Variants in INSYN2A observed in about 807,000 individuals in gnomAD.
INSYN2A encodes the protein inhibitory synaptic factor 2A.
In INSYN2A, 17 loss-of-function variants were observed where a neutral mutation model predicts 39.4. The ratio of observed to expected loss-of-function variants is 0.43; its 90% CI spans 0.30 to 0.65. The LOEUF is 0.65. Ranked by LOEUF, INSYN2A falls within the 30% of genes least tolerant of loss-of-function variation. The pLI is 0.14. For synonymous variants in INSYN2A, 255 were observed against 265.7 expected, an observed-to-expected ratio of 0.96 and a Z score of 0.39; for missense variants, 595 against 631.2, an observed-to-expected ratio of 0.94 and a Z score of 0.61.
At chr10:127,161,658 A>G (rs1290929880) in intron 4 of INSYN2A, among the ~76,000 whole-genome samples, 2 of 151,972 alleles carry the variant, frequency 1.3e-5, no homozygotes, top group Non-Finnish European at 2.9e-5. Flanking sequence ...CCACCTTTTG[A>G]GAGTTCTGCT....
At chr10:127,154,366 G>A (rs924342773) in intron 4 of INSYN2A, among the ~76,000 whole-genome samples, 2 of 152,168 alleles carry the variant, frequency 1.3e-5, no homozygotes, top group African/African-American at 2.4e-5. Flanking sequence ...CCGGGGCCTG[G>A]TTTTGTCCAG....
At chr10:127,192,238 C>T (rs779182760) in intron 2 of INSYN2A, among the ~76,000 whole-genome samples, 2 of 152,110 alleles carry the variant, frequency 1.3e-5, no homozygotes, top group African/African-American at 4.8e-5. Flanking sequence ...ATAAACAGTT[C>T]AGTGCTCTAT....
intron 4 of INSYN2A, among the ~76,000 whole-genome samples, chr10:127,158,484 T>C (rs1458921845): frequency 6.6e-6 from 1 of 152,212 alleles, no homozygotes; most frequent in Non-Finnish European, 1.5e-5. Flanking sequence ...CCCTTTTGCT[T>C]TGAGGAGCCT....
rs1011307697 is a variant in INSYN2A, at chr10:127,196,530, G to A, written c.-928C>T. Among the ~76,000 whole-genome samples the A allele has an allele frequency of 2.0e-5, 3 of 147,504 alleles. No individual in the cohort carries two copies. The highest frequency in any genetic ancestry group is 4.5e-5 in the Non-Finnish European group (3 of 66,496). ...CGGAGCCGGGCGGCCAGAGGCGAGGGCGCCCCAAGCCGCGCGCCTGCCGCC... is the reference window on the plus strand; with the variant it reads ...CGGAGCCGGGCGGCCAGAGGCGAGGACGCCCCAAGCCGCGCGCCTGCCGCC... On this transcript the variant is annotated 5_prime_UTR_variant, in exon 1 of 6. Transcript: ENST00000522781.
At chr10:127,148,059 A>T (rs1285350347) in intron 5 of INSYN2A, among the ~76,000 whole-genome samples, 1 of 135,790 alleles carries the variant, frequency 7.4e-6, no homozygotes, top group Non-Finnish European at 1.6e-5. Context: ...AAAAAAAAAA[A>T]TTCCACCTGT....
At chr10:127,144,397 G>A (rs2051586676) in intron 5 of INSYN2A, among the ~76,000 whole-genome samples, 1 of 152,162 alleles carries the variant, frequency 6.6e-6, no homozygotes, top group African/African-American at 2.4e-5. Context: ...TGGGATCGTA[G>A]CTGTCTTCCC....
chr10:127,150,430 G>T (rs2052379395), intron 5 of INSYN2A, among the ~76,000 whole-genome samples: 1 of 152,180 alleles, frequency 6.6e-6, no homozygotes, highest in Non-Finnish European at 1.5e-5. Context: ...ACAGACCAGT[G>T]CTTGGTAGTC....
intron 1 of INSYN2A, among the ~76,000 whole-genome samples, chr10:127,194,705 G>T (rs1473463943): frequency 1.3e-5 from 2 of 152,086 alleles, no homozygotes; most frequent in Non-Finnish European, 2.9e-5. Context: ...TAACCCTCTA[G>T]CAAGTCCTCG....
chr10:127,173,840 T>C (rs1020941465), intron 4 of INSYN2A, among the ~76,000 whole-genome samples: 6 of 152,200 alleles, frequency 3.9e-5, no homozygotes, highest in African/African-American at 1.4e-4. Context: ...CTTTTGGAAA[T>C]GTTATATGGT....
At chr10:127,195,719 TC>T (rs1400755937) in intron 1 of INSYN2A, among the ~76,000 whole-genome samples, 1 of 152,132 alleles carries the variant, frequency 6.6e-6, no homozygotes, top group Non-Finnish European at 1.5e-5. Context: ...GCCCCGCTCC[TC>T]CCTGACGTCG....
At chr10:127,145,840 A>G (rs2051772407) in intron 5 of INSYN2A, 2 of 353,732 alleles carry the variant, frequency 5.7e-6, no homozygotes, top group Admixed American at 7.3e-5. Flanking sequence ...TTCTCATCAC[A>G]CACGGAAACC....
intron 5 of INSYN2A, among the ~76,000 whole-genome samples, chr10:127,146,753 C>T (rs1302369028): frequency 6.6e-6 from 1 of 152,192 alleles, no homozygotes; most frequent in Non-Finnish European, 1.5e-5. Context: ...GGAAAGGGCA[C>T]TTCCATGAAG....
intron 5 of INSYN2A, among the ~76,000 whole-genome samples, 190 bp downstream of exon 5, chr10:127,153,662 T>C (rs991598414): frequency 1.3e-5 from 2 of 152,218 alleles, no homozygotes; most frequent in African/African-American, 4.8e-5. Flanking sequence ...GTTCAAGCTC[T>C]CCTACATCCC....
At chr10:127,194,409 C>T (rs2056956425) in intron 1 of INSYN2A, among the ~76,000 whole-genome samples, 1 of 152,068 alleles carries the variant, frequency 6.6e-6, no homozygotes, top group Middle Eastern at 3.4e-3. Context: ...ATCATTCTTG[C>T]AAAAAAATTG....
intron 4 of INSYN2A, among the ~76,000 whole-genome samples, chr10:127,173,447 T>C (rs1476172997): frequency 6.6e-6 from 1 of 152,102 alleles, no homozygotes; most frequent in South Asian, 2.1e-4. Context: ...CTAAGAGGAG[T>C]GTAAGAAGGC....
At chr10:127,157,714 T>C (rs2053219039) in intron 4 of INSYN2A, among the ~76,000 whole-genome samples, 1 of 152,222 alleles carries the variant, frequency 6.6e-6, no homozygotes, top group African/African-American at 2.4e-5. Flanking sequence ...TCTAAATATA[T>C]GTATGTTTCT....
At chr10:127,182,498 T>A (rs1479277447) in intron 2 of INSYN2A, among the ~76,000 whole-genome samples, 1 of 152,178 alleles carries the variant, frequency 6.6e-6, no homozygotes. Context: ...TATGTTTCAC[T>A]ACCCAGTTCT....
chr10:127,139,054 C>T (rs183918494), intron 5 of INSYN2A, among the ~76,000 whole-genome samples: 1 of 152,276 alleles, frequency 6.6e-6, no homozygotes, highest in Non-Finnish European at 1.5e-5. Context: ...CTGGGCCAGG[C>T]CTTGGGAGGA....
At chr10:127,194,671 C>G (rs1464723260) in intron 1 of INSYN2A, among the ~76,000 whole-genome samples, 1 of 152,162 alleles carries the variant, frequency 6.6e-6, no homozygotes, top group African/African-American at 2.4e-5. Flanking sequence ...GACAGTCCCC[C>G]CACTGAGATA....
Sources: gnomAD v4.1 joint callset for allele counts (sites outside exome capture counted in the v4.1 genomes callset) on GRCh38, gnomAD v4.1.1 for gene constraint, MANE v1.5 for transcripts, NCBI Gene and HGNC (gene_info 2026-07-23, HGNC 2026-07-21) for gene names.